The following FHOD3 variants were observed in gnomAD, a reference collection of about 807,000 sequenced individuals.
The protein encoded by FHOD3 is FH1/FH2 domain-containing protein 3.
A neutral mutation model predicts 173.0 loss-of-function variants in FHOD3; 90 were observed. The observed-to-expected ratio is 0.52, with a 90% CI of 0.44 to 0.62. FHOD3 has a LOEUF of 0.62. Ranked by LOEUF, FHOD3 falls within the 20% of genes least tolerant of loss-of-function variation. FHOD3 has a pLI of 0.00. For missense variants in FHOD3, 1,945 were observed against 2,034.7 expected, an observed-to-expected ratio of 0.96 and a Z score of 0.85; for synonymous variants, 828 against 823.0, an observed-to-expected ratio of 1.01 and a Z score of -0.10.
chr18:36,748,837 T>A (rs1235309625), intron 24 of FHOD3, among the ~76,000 whole-genome samples: 1 of 152,186 alleles, frequency 6.6e-6, no homozygotes, highest in South Asian at 2.1e-4. Context: ...AGCAGGACTC[T>A]CTTGTTGAAA....
intron 9 of FHOD3, among the ~76,000 whole-genome samples, chr18:36,619,759 C>T (rs1474487366): frequency 6.6e-6 from 1 of 152,158 alleles, no homozygotes; most frequent in South Asian, 2.1e-4. Flanking sequence ...CAAGAACGTG[C>T]GTAAGCAGAG....
At chr18:36,717,203 G>A (rs914213898) in intron 18 of FHOD3, among the ~76,000 whole-genome samples, 4 of 152,116 alleles carry the variant, frequency 2.6e-5, no homozygotes, top group Non-Finnish European at 5.9e-5. Flanking sequence ...TGGAGGCAAG[G>A]TTATCTCTGA....
chr18:36,626,861 C>T (rs2034149197), intron 10 of FHOD3, among the ~76,000 whole-genome samples: 1 of 152,178 alleles, frequency 6.6e-6, no homozygotes, highest in Non-Finnish European at 1.5e-5. Flanking sequence ...GTGCCCCAAA[C>T]AATCTGATAC....
intron 3 of FHOD3, among the ~76,000 whole-genome samples, chr18:36,432,411 A>G (rs1422448644): frequency 6.6e-6 from 1 of 152,220 alleles, no homozygotes; most frequent in African/African-American, 2.4e-5. Context: ...AGATATCAGA[A>G]ACAAAATCAC....
intron 6 of FHOD3, among the ~76,000 whole-genome samples, chr18:36,583,373 A>G (rs1239456649): frequency 3.3e-5 from 5 of 152,206 alleles, no homozygotes; most frequent in Non-Finnish European, 7.3e-5. Context: ...AAGAAGACGT[A>G]AAACACTAAG....
chr18:36,678,777 A>G (rs1007729172), intron 14 of FHOD3, among the ~76,000 whole-genome samples: 1 of 152,122 alleles, frequency 6.6e-6, no homozygotes, highest in African/African-American at 2.4e-5. Context: ...ATTCATTTAT[A>G]CTGTCATCTT....
chr18:36,508,281 TAA>T (rs374243067), intron 4 of FHOD3, among the ~76,000 whole-genome samples: 2 of 150,726 alleles, frequency 1.3e-5, no homozygotes, highest in East Asian at 2.0e-4. Context: ...TTTTTTTTTT[TAA>T]AAAAAGCTAG....
At chr18:36,705,975 GT>G (rs2039855687) in intron 17 of FHOD3, among the ~76,000 whole-genome samples, 2 of 151,352 alleles carry the variant, frequency 1.3e-5, no homozygotes, top group Non-Finnish European at 3.0e-5. Flanking sequence ...GTGTGTGTGT[GT>G]GTGTGTGTGT....
chr18:36,774,574 G>A (rs1418157055), intron 28 of FHOD3, among the ~76,000 whole-genome samples: 4 of 152,204 alleles, frequency 2.6e-5, no homozygotes, highest in Non-Finnish European at 4.4e-5. Flanking sequence ...TGTGTCTGGG[G>A]TGAGTCCAAG....
At chr18:36,429,092 G>A (rs545841942) in intron 3 of FHOD3, among the ~76,000 whole-genome samples, 55 of 152,292 alleles carry the variant, frequency 3.6e-4, no homozygotes, top group African/African-American at 1.2e-3. Context: ...GCTTGTGAAC[G>A]GTCTTGAGGT....
chr18:36,619,652 T>C (rs2033539013), intron 9 of FHOD3, among the ~76,000 whole-genome samples: 1 of 152,354 alleles, frequency 6.6e-6, no homozygotes, highest in South Asian at 2.1e-4. Flanking sequence ...GAGCACCTGC[T>C]ATGTGCCAGG....
chr18:36,468,052 C>T (rs1291805693), intron 3 of FHOD3, among the ~76,000 whole-genome samples: 2 of 152,364 alleles, frequency 1.3e-5, no homozygotes, highest in Admixed American at 1.3e-4. Flanking sequence ...GTACTTCCCA[C>T]TTCCACTCTA....
chr18:36,474,677 T>C (rs1170416114), intron 3 of FHOD3, among the ~76,000 whole-genome samples: 1 of 152,064 alleles, frequency 6.6e-6, no homozygotes, highest in Admixed American at 6.6e-5. Context: ...GGAAGAAACA[T>C]GGGTGGCTAG....
intron 17 of FHOD3, among the ~76,000 whole-genome samples, chr18:36,695,288 C>T (rs2039214923): frequency 6.6e-6 from 1 of 150,854 alleles, no homozygotes; most frequent in African/African-American, 2.4e-5. Flanking sequence ...GCGGAGGTTG[C>T]AGTGAGCCAA....
At chr18:36,444,937 G>A (rs1042476691) in intron 3 of FHOD3, among the ~76,000 whole-genome samples, 1 of 152,184 alleles carries the variant, frequency 6.6e-6, no homozygotes, top group Non-Finnish European at 1.5e-5. Flanking sequence ...GTTGTTGGAG[G>A]TATATTGTCA....
intron 1 of FHOD3, among the ~76,000 whole-genome samples, chr18:36,336,997 A>T (rs1470740683): frequency 2.6e-5 from 4 of 151,870 alleles, no homozygotes; most frequent in Non-Finnish European, 1.5e-5. Context: ...ACATGGCGAA[A>T]CCTCATCTCT....
At chr18:36,334,946 C>T (rs944844167) in intron 1 of FHOD3, among the ~76,000 whole-genome samples, 1 of 152,158 alleles carries the variant, frequency 6.6e-6, no homozygotes, top group African/African-American at 2.4e-5. Flanking sequence ...CTCCAGGGGC[C>T]ACCTTCAGCC....
chr18:36,364,208 GC>G (rs948703715), intron 2 of FHOD3, among the ~76,000 whole-genome samples: 1 of 151,664 alleles, frequency 6.6e-6, no homozygotes, highest in African/African-American at 2.4e-5. Flanking sequence ...TCCCAATGTG[GC>G]AGTTTAAATA....
intron 1 of FHOD3, among the ~76,000 whole-genome samples, chr18:36,312,682 A>G (rs1184856042): frequency 6.6e-6 from 1 of 152,222 alleles, no homozygotes; most frequent in South Asian, 2.1e-4. Context: ...CATCCATGGC[A>G]TATGGAAAGT....
Sources: gnomAD v4.1 joint callset for allele counts (sites outside exome capture counted in the v4.1 genomes callset) on GRCh38, gnomAD v4.1.1 for gene constraint, MANE v1.5 for transcripts, NCBI Gene and HGNC (gene_info 2026-07-23, HGNC 2026-07-21) for gene names.